Variants in UNC13C observed in about 807,000 individuals in gnomAD.
UNC13C encodes unc-13 homolog C, also known as protein unc-13 homolog C.
A neutral mutation model predicts 245.4 loss-of-function variants in UNC13C; 174 were observed. The ratio of observed to expected loss-of-function variants is 0.71; its 90% CI spans 0.63 to 0.80. The LOEUF is 0.80. Among genes scored for constraint, UNC13C ranks in the 30% least tolerant of loss-of-function variants. UNC13C has a pLI of 0.00. For synonymous variants in UNC13C, 992 were observed against 895.1 expected (o/e 1.11, Z -1.93); for missense variants, 2,829 against 2,602.9 (o/e 1.09, Z -1.89).
the UNC13C span, among the ~76,000 whole-genome samples, chr15:53,840,006 C>G: frequency 3.3e-5 from 5 of 152,038 alleles, no homozygotes; most frequent in African/African-American, 1.2e-4. Context: ...ACTCATATCT[C>G]TAGGTTTCTA....
chr15:54,264,123 G>T (rs781753242), intron 8 of UNC13C, 45 bp from the exon 9 acceptor site: 1 of 1,530,936 alleles, frequency 6.5e-7, no homozygotes, highest in Admixed American at 2.0e-5. Context: ...CCATCAAAAA[G>T]TAATGGCATT....
At chr15:54,503,272 C>G (rs528760357) in intron 22 of UNC13C, among the ~76,000 whole-genome samples, 1 of 152,062 alleles carries the variant, frequency 6.6e-6, no homozygotes, top group Non-Finnish European at 1.5e-5. Context: ...AAAAGAAATT[C>G]TATTTTATTG....
intron 2 of UNC13C, among the ~76,000 whole-genome samples, chr15:54,032,156 A>T (rs1408152369): frequency 6.6e-6 from 1 of 152,170 alleles, no homozygotes; most frequent in Admixed American, 6.5e-5. Context: ...GAGAGGTATT[A>T]CTCAGTTGCA....
chr15:54,058,824 C>T (rs1471908849), intron 2 of UNC13C, among the ~76,000 whole-genome samples: 17 of 152,212 alleles, frequency 1.1e-4, no homozygotes, highest in Admixed American at 2.0e-4. Flanking sequence ...AATCAATAAA[C>T]GTAATCCAGC....
chr15:54,492,208 C>A (rs1893746021), intron 19 of UNC13C, among the ~76,000 whole-genome samples: 1 of 152,078 alleles, frequency 6.6e-6, no homozygotes, highest in East Asian at 1.9e-4. Flanking sequence ...TTTAAACTTT[C>A]AAATACAAAA....
intron 19 of UNC13C, among the ~76,000 whole-genome samples, chr15:54,458,199 G>A (rs191444480): frequency 2.5e-4 from 38 of 152,090 alleles, no homozygotes; most frequent in African/African-American, 8.2e-4. Context: ...TAGTTTAATA[G>A]TTCCCTTTGG....
rs1482282027 is a variant in UNC13C, at chr15:54,293,827, A to G, written c.3819-68A>G. The G allele has an allele frequency of 2.3e-6, 3 of 1,283,108 alleles. No individual in the cohort carries two copies. The East Asian group carries it at 8.2e-5, about 35-fold the overall frequency. The allele number at this position is 1,283,108 out of a possible 1,614,324, so 79.5% of individuals were successfully genotyped here. On this transcript the variant is annotated intron_variant, in intron 10 of 32. Transcript: ENST00000260323. ...CCTTTCTAGAATAGATAGAAAATAAAGTACTAACATCAAATGGAATTTAGA... is the reference window on the plus strand; with the variant it reads ...CCTTTCTAGAATAGATAGAAAATAAGGTACTAACATCAAATGGAATTTAGA...
chr15:54,492,886 G>A (rs1369044332), intron 19 of UNC13C, among the ~76,000 whole-genome samples: 1 of 152,144 alleles, frequency 6.6e-6, no homozygotes, highest in South Asian at 2.1e-4. Context: ...GAGGAAAAAT[G>A]TTCCAAAATG....
At chr15:54,567,188 A>G (rs1170217121) in intron 29 of UNC13C, among the ~76,000 whole-genome samples, 4 of 150,112 alleles carry the variant, frequency 2.7e-5, no homozygotes, top group African/African-American at 9.8e-5. Context: ...ATATTGGAAA[A>G]TTTTGAGTTT....
intron 2 of UNC13C, among the ~76,000 whole-genome samples, chr15:54,045,243 C>G (rs1566971181): frequency 6.6e-6 from 1 of 151,986 alleles, no homozygotes; most frequent in East Asian, 1.9e-4. Context: ...TGGTATAAAA[C>G]AGGGGTTTAG....
chr15:54,163,025 G>C (rs897466214), intron 4 of UNC13C, among the ~76,000 whole-genome samples: 1 of 152,158 alleles, frequency 6.6e-6, no homozygotes, highest in East Asian at 1.9e-4. Flanking sequence ...GTGGTAGACA[G>C]CATAATGGCC....
chr15:54,219,850 C>T (rs1340046058), intron 4 of UNC13C, among the ~76,000 whole-genome samples: 2 of 151,816 alleles, frequency 1.3e-5, no homozygotes, highest in Non-Finnish European at 2.9e-5. Context: ...AAAAAATGCT[C>T]ATCATCACTG....
intron 22 of UNC13C, among the ~76,000 whole-genome samples, chr15:54,503,690 T>A (rs903104468): frequency 6.6e-6 from 1 of 152,146 alleles, no homozygotes; most frequent in Non-Finnish European, 1.5e-5. Context: ...TAATTTGTAT[T>A]TTATATAACA....
chr15:54,417,087 T>C (rs1404576951), intron 19 of UNC13C: 3 of 399,910 alleles, frequency 7.5e-6, no homozygotes, highest in African/African-American at 6.3e-5. Context: ...ATTTTATTTG[T>C]TTATTTGTTT....
At chr15:54,287,552 T>C (rs1179237281) in intron 10 of UNC13C, among the ~76,000 whole-genome samples, 1 of 152,196 alleles carries the variant, frequency 6.6e-6, no homozygotes, top group Non-Finnish European at 1.5e-5. Flanking sequence ...GTAACTCAAT[T>C]ATCCCTTCAA....
In UNC13C at chr15:54,028,684, CT is replaced by C. The variant is rs58264883; in HGVS notation, c.2983+12819del. Among the ~76,000 whole-genome samples, 26 of 87,096 alleles carry C rather than the reference CT, an allele frequency of 3.0e-4. 1 individual carries two copies. The highest frequency in any genetic ancestry group is 7.4e-4 in the African/African-American group (16 of 21,560). The allele number at this position is 87,096 out of a possible 152,430, so 57.1% of individuals were successfully genotyped here. On this transcript the variant is annotated intron_variant, in intron 2 of 32. Coordinates refer to ENST00000260323, the MANE Select transcript of UNC13C (RefSeq NM_001080534.3). ...TGGCCTCCAGAGTCAGCCTACAAGT[CT>C]TTTTTTTTTTTTTTTTTTTTGAGAC...
At chr15:53,984,402 G>A (rs1317067858) in intron 1 of UNC13C, among the ~76,000 whole-genome samples, 2 of 151,922 alleles carry the variant, frequency 1.3e-5, no homozygotes, top group Admixed American at 1.3e-4. Flanking sequence ...TTCTTCTTTG[G>A]TCTTGGATTA....
chr15:54,298,164 C>G (rs12910406), intron 12 of UNC13C, among the ~76,000 whole-genome samples: 1 of 151,684 alleles, frequency 6.6e-6, no homozygotes, highest in Non-Finnish European at 1.5e-5. Flanking sequence ...TGTGAATAGG[C>G]AATAAGATGA....
chr15:54,496,998 A>G (rs141547994), intron 20 of UNC13C, among the ~76,000 whole-genome samples: 55 of 152,210 alleles, frequency 3.6e-4, no homozygotes, highest in African/African-American at 1.2e-3. Flanking sequence ...AGAAAAATAA[A>G]CAAGAAAGAG....
Sources: allele counts gnomAD v4.1 joint callset (sites outside exome capture counted in the v4.1 genomes callset), GRCh38; gene constraint gnomAD v4.1.1; transcripts MANE v1.5; gene names NCBI Gene and HGNC (gene_info 2026-07-23, HGNC 2026-07-21).